Variants in NEGR1 observed in about 807,000 individuals in gnomAD.
NEGR1 encodes IgLON family member 4.
In NEGR1, 10 loss-of-function variants were observed where a neutral mutation model predicts 40.9. The ratio of observed to expected loss-of-function variants is 0.24; its 90% CI spans 0.15 to 0.42. The LOEUF is 0.42. Ranked by LOEUF, NEGR1 falls within the 10% of genes least tolerant of loss-of-function variation. NEGR1 has a pLI of 1.00. For synonymous variants in NEGR1, 185 were observed against 166.8 expected, an observed-to-expected ratio of 1.11 and a Z score of -0.84; for missense variants, 352 against 438.9, an observed-to-expected ratio of 0.80 and a Z score of 1.77.
intron 4 of NEGR1, among the ~76,000 whole-genome samples, chr1:71,680,065 G>T (rs977693719): frequency 2.0e-5 from 3 of 151,400 alleles, no homozygotes; most frequent in Non-Finnish European, 4.4e-5. Flanking sequence ...TAATGAATTT[G>T]GTCTATAATA....
At chr1:71,849,376 G>A (rs906616182) in intron 2 of NEGR1, among the ~76,000 whole-genome samples, 1 of 152,144 alleles carries the variant, frequency 6.6e-6, no homozygotes, top group African/African-American at 2.4e-5. Flanking sequence ...ACTGGAATTC[G>A]AAGTGGAGCC....
chr1:71,642,413 G>GA (rs1651383099), intron 4 of NEGR1, among the ~76,000 whole-genome samples: 1 of 151,276 alleles, frequency 6.6e-6, no homozygotes, highest in South Asian at 2.1e-4. Context: ...AAGAGAAGAA[G>GA]AAAAGGAAGA....
At chr1:71,574,890 G>A (rs966763561) in intron 6 of NEGR1, among the ~76,000 whole-genome samples, 2 of 152,080 alleles carry the variant, frequency 1.3e-5, no homozygotes, top group Non-Finnish European at 2.9e-5. Flanking sequence ...TTATCTCTGG[G>A]TCCATTTAGT....
chr1:71,587,288 C>T (rs1043747957), intron 6 of NEGR1, among the ~76,000 whole-genome samples: 5 of 152,084 alleles, frequency 3.3e-5, no homozygotes, highest in Non-Finnish European at 5.9e-5. Context: ...AGGTACTGTT[C>T]GCTTGCATCG....
intron 6 of NEGR1, among the ~76,000 whole-genome samples, chr1:71,555,876 G>GGAAGAC (rs973602293): frequency 4.6e-5 from 7 of 151,614 alleles, no homozygotes; most frequent in African/African-American, 1.7e-4. Flanking sequence ...GTAACATACA[G>GGAAGAC]GTTTGAGGAA....
At chr1:72,266,045 G>A (rs541157142) in intron 1 of NEGR1, among the ~76,000 whole-genome samples, 20 of 150,880 alleles carry the variant, frequency 1.3e-4, no homozygotes, top group South Asian at 6.2e-4. Flanking sequence ...TAAGATCATC[G>A]TTTGTGAGAA....
intron 6 of NEGR1, among the ~76,000 whole-genome samples, chr1:71,459,826 C>A (rs1646701177): frequency 6.6e-6 from 1 of 152,166 alleles, no homozygotes; most frequent in Non-Finnish European, 1.5e-5. Context: ...AGTTCCTTCC[C>A]ATAGTGATTT....
chr1:72,274,811 G>T, intron 1 of NEGR1: 1 of 1,491,434 alleles, frequency 6.7e-7, no homozygotes, highest in Admixed American at 1.7e-5. Flanking sequence ...GAAAAAGTGG[G>T]CCAGGTGATC....
At chr1:71,514,395 TC>T (rs1390597408) in intron 6 of NEGR1, among the ~76,000 whole-genome samples, 2 of 93,710 alleles carry the variant, frequency 2.1e-5, no homozygotes, top group Non-Finnish European at 4.2e-5. Flanking sequence ...GCAGACTGCC[TC>T]CTCAAGTGGG....
intron 4 of NEGR1, among the ~76,000 whole-genome samples, chr1:71,676,745 A>C (rs970944241): frequency 4.6e-5 from 7 of 152,232 alleles, no homozygotes; most frequent in African/African-American, 1.7e-4. Context: ...ATGTCAAATA[A>C]TTTACTCTCT....
At chr1:71,512,427 A>C (rs1385419857) in intron 6 of NEGR1, among the ~76,000 whole-genome samples, 1 of 152,120 alleles carries the variant, frequency 6.6e-6, no homozygotes, top group Non-Finnish European at 1.5e-5. Context: ...TTTAAATGTT[A>C]TGATATCTAG....
chr1:72,246,796 C>T (rs570468363), intron 1 of NEGR1, among the ~76,000 whole-genome samples: 59 of 152,322 alleles, frequency 3.9e-4, no homozygotes, highest in African/African-American at 1.3e-3. Context: ...TGCCCTAGTA[C>T]GCAGCCATCT....
intron 1 of NEGR1, among the ~76,000 whole-genome samples, chr1:72,050,479 A>T (rs1330091443): frequency 1.3e-5 from 2 of 151,602 alleles, no homozygotes; most frequent in Admixed American, 1.3e-4. Flanking sequence ...TTATTAAAAT[A>T]CCTTAAAGAA....
At chr1:71,483,661 G>C (rs893762906) in intron 6 of NEGR1, among the ~76,000 whole-genome samples, 10 of 151,694 alleles carry the variant, frequency 6.6e-5, no homozygotes, top group Admixed American at 2.6e-4. Flanking sequence ...GCCCTAATGA[G>C]AGTCTAATGT....
At chr1:72,195,513 C>T (rs2100436576) in intron 1 of NEGR1, among the ~76,000 whole-genome samples, 1 of 151,628 alleles carries the variant, frequency 6.6e-6, no homozygotes, top group East Asian at 1.9e-4. Context: ...AAAAAAATAG[C>T]AATTTGACAA....
intron 6 of NEGR1, among the ~76,000 whole-genome samples, chr1:71,459,127 C>G (rs868142690): frequency 2.6e-5 from 4 of 152,132 alleles, no homozygotes; most frequent in African/African-American, 7.2e-5. Flanking sequence ...AAATTAAGTT[C>G]TCCCCTACCA....
At chr1:71,920,492 C>T (rs1027375898) in intron 2 of NEGR1, among the ~76,000 whole-genome samples, 1 of 152,282 alleles carries the variant, frequency 6.6e-6, no homozygotes, top group East Asian at 1.9e-4. Flanking sequence ...AAAAAGAAGA[C>T]CTGCCTTATG....
At chr1:71,640,147 G>A (rs181819242) in intron 4 of NEGR1, among the ~76,000 whole-genome samples, 46 of 152,098 alleles carry the variant, frequency 3.0e-4, no homozygotes, top group African/African-American at 9.9e-4. Context: ...AACAGTTTCC[G>A]GTATGGGTTA....
chr1:72,271,672 T>C (rs1210472636), intron 1 of NEGR1, among the ~76,000 whole-genome samples: 2 of 152,016 alleles, frequency 1.3e-5, no homozygotes, highest in Non-Finnish European at 1.5e-5. Flanking sequence ...CACTTCATCA[T>C]GGAAAGGTTA....
Sources: gnomAD v4.1 joint callset for allele counts (sites outside exome capture counted in the v4.1 genomes callset) on GRCh38, gnomAD v4.1.1 for gene constraint, MANE v1.5 for transcripts, NCBI Gene and HGNC (gene_info 2026-07-23, HGNC 2026-07-21) for gene names.